The following CTRC variants were observed in gnomAD, a reference collection of about 807,000 sequenced individuals.
The protein encoded by CTRC is chymotrypsin-C.
Under a neutral mutation model 35.7 loss-of-function variants are expected in CTRC, and 32 were observed. That is an observed-to-expected ratio of 0.90 (90% CI 0.68 to 1.20). The LOEUF (loss-of-function observed/expected upper bound fraction) is 1.20, where lower values mean the gene tolerates loss of function less well. CTRC is among the 50% of genes most tolerant of loss of function. CTRC has a pLI of 0.00. For synonymous variants in CTRC, 119 were observed against 149.5 expected (o/e 0.80, Z 1.49); for missense variants, 324 against 361.5 (o/e 0.90, Z 0.84).
chr1:15,443,605 A>G, intron 5 of CTRC, 50 bp downstream of exon 5: 1 of 1,613,002 alleles, frequency 6.2e-7, no homozygotes, highest in South Asian at 1.1e-5. Context: ...AGGAAGCAGG[A>G]CGTCACCCAC....
chr1:15,446,324 A>C (rs1334917540), intron 7 of CTRC, among the ~76,000 whole-genome samples: 1 of 152,166 alleles, frequency 6.6e-6, no homozygotes, highest in African/African-American at 2.4e-5. Flanking sequence ...TCTCATCTTG[A>C]GAGTAGGGGA....
At chr1:15,442,422 G>T in intron 3 of CTRC, 25 bp from the exon 4 acceptor site, 2 of 1,597,280 alleles carry the variant, frequency 1.3e-6, no homozygotes, top group South Asian at 1.1e-5. Context: ...GGGCCACCCT[G>T]ACCTGGACCC....
At chr1:15,445,576 T>A in intron 6 of CTRC, 21 bp from the exon 7 acceptor site, 1 of 1,612,516 alleles carries the variant, frequency 6.2e-7, no homozygotes, top group Non-Finnish European at 8.5e-7. Context: ...TGGTGGCTTA[T>A]GCCCTCCCGG....
intron 1 of CTRC, 66 bp from the exon 2 acceptor site, chr1:15,440,231 CCCT>C: frequency 4.4e-6 from 2 of 456,974 alleles, no homozygotes; most frequent in Non-Finnish European, 4.5e-6. Context: ...CACCTGCCCA[CCCT>C]CCCACCCCTT....
intron 6 of CTRC, among the ~76,000 whole-genome samples, chr1:15,444,987 G>C (rs1171122759): frequency 1.3e-5 from 2 of 152,152 alleles, no homozygotes. Context: ...ACGTAAACTT[G>C]GGAGGGCCGT....
Position 15,440,392 on chromosome 1 carries a change from G to A in CTRC, c.132+1G>A. 3 of 1,612,594 alleles carry A rather than the reference G, an allele frequency of 1.9e-6. No homozygotes were observed. The highest frequency in any genetic ancestry group is 2.7e-5 in the African/African-American group (2 of 75,044). On this transcript the variant is annotated splice_donor_variant, in intron 2 of 7. Coordinates refer to ENST00000375949, the MANE Select transcript of CTRC (RefSeq NM_007272.3). LOFTEE classifies it high-confidence loss of function. The stretch of plus-strand genomic sequence containing the variant: ...CCGGCCCCACAGCTGGCCCTGGCAG[G>A]TAAGCCTGTGTAGGGCTGGGAGGTA...
At chr1:15,442,337 A>G in intron 3 of CTRC, 110 bp from the exon 4 acceptor site, 1 of 1,381,822 alleles carries the variant, frequency 7.2e-7, no homozygotes, top group Non-Finnish European at 1.0e-6. Flanking sequence ...GACAATGGGA[A>G]CACTCTCTTC....
intron 1 of CTRC, 51 bp from the exon 2 acceptor site, chr1:15,440,226 GCCCACCCTCCCACCCCTTTCCCC>G: frequency 5.7e-6 from 3 of 523,566 alleles, no homozygotes; most frequent in Admixed American, 2.7e-5. Context: ...TCTTCCACCT[GCCCACCCTCCCACCCCTTTCCCC>G]GTGGGCTACC....
Position 15,447,057 on chromosome 1 carries a change from A to G in CTRC, c.*468A>G, listed in dbSNP as rs1708233495. The stretch of plus-strand genomic sequence containing the variant: ...TGGAAGACAGGGTCTCCCCAAAAGC[A>G]GCGTCCCCCAGGCCAGAGAGACCAG... On this transcript the variant is annotated 3_prime_UTR_variant, in exon 8 of 8. Coordinates refer to ENST00000375949, the MANE Select transcript of CTRC (RefSeq NM_007272.3). 1 of 306,260 alleles carries G rather than the reference A, an allele frequency of 3.3e-6. No individual in the cohort carries two copies. The highest frequency in any genetic ancestry group is 2.9e-5 in the South Asian group (1 of 34,720). The allele number at this position is 306,260 out of a possible 1,614,324, so 19.0% of individuals were successfully genotyped here. A position where few individuals can be genotyped will look rare whatever the true frequency, so the allele number is the denominator to read the frequency against.
At chr1:15,443,701 C>T in intron 5 of CTRC, 146 bp downstream of exon 5, 1 of 981,128 alleles carries the variant, frequency 1.0e-6, no homozygotes, top group Non-Finnish European at 1.6e-6. Flanking sequence ...TTACTAAGCA[C>T]ATACCATGTG....
Position 15,440,234 on chromosome 1 carries a change from T to A in CTRC, c.41-66T>A. 2.3e-5 allele frequency: 7 copies of A among 309,272 alleles called. No homozygotes were observed. The East Asian group carries it at 3.2e-4, about 14-fold the overall frequency. 19.2% of individuals were successfully genotyped at this position (309,272 alleles called of 1,614,324 possible). A position where few individuals can be genotyped will look rare whatever the true frequency, so the allele number is the denominator to read the frequency against. ...CTGTGCTTCTTCCACCTGCCCACCC[T>A]CCCACCCCTTTCCCCGTGGGCTACC... On this transcript the variant is annotated intron_variant, in intron 1 of 7. Transcript: ENST00000375949.
In CTRC at chr1:15,445,611, C is replaced by G. The variant is rs1294027681; in HGVS notation, c.654C>G (p.Gly218=). 1 of 1,614,068 alleles carries G rather than the reference C, an allele frequency of 6.2e-7. No homozygotes were observed. Among genetic ancestry groups the G allele is most frequent in the Non-Finnish European group, 8.5e-7 (1 of 1,180,038 alleles). ...VISACNGDSG[G]PLNCQLENGS... ...GTCTGGTGCAGGGGGACTCCGGTGG[C>G]CCACTGAACTGCCAGTTGGAGAACG... The change falls in exon 7 of 8, where the codon GGC becomes GGG. Residue 218 remains glycine (G), a synonymous_variant. Coordinates refer to ENST00000375949, the MANE Select transcript of CTRC (RefSeq NM_007272.3).
intron 7 of CTRC, 68 bp downstream of exon 7, chr1:15,445,817 C>T: frequency 6.5e-7 from 1 of 1,542,076 alleles, no homozygotes; most frequent in South Asian, 1.1e-5. Context: ...CATCCCCTCA[C>T]TCATTCACTC....
In CTRC at chr1:15,445,585, G is replaced by C; in HGVS notation, c.640-12G>C. ...GGGGCCTGGTGGCTTATGCCCTCCC[G>C]GTCTGGTGCAGGGGGACTCCGGTGG... On this transcript the variant is annotated splice_polypyrimidine_tract_variant and intron_variant, in intron 6 of 7. Transcript: ENST00000375949. 1 of 1,613,516 alleles carries C rather than the reference G, an allele frequency of 6.2e-7. No individual in the cohort carries two copies. The highest frequency in any genetic ancestry group is 8.5e-7 in the Non-Finnish European group (1 of 1,179,494).
At chr1:15,442,593 C>T in intron 4 of CTRC, 21 bp downstream of exon 4, 1 of 1,613,700 alleles carries the variant, frequency 6.2e-7, no homozygotes, top group Non-Finnish European at 8.5e-7. Flanking sequence ...GACTGCCCAT[C>T]CCACAGCCAC....
chr1:15,438,621 C>T (rs571381490), intron 1 of CTRC, 117 bp downstream of exon 1: 1 of 1,178,056 alleles, frequency 8.5e-7, no homozygotes, highest in East Asian at 2.3e-5. Context: ...CTTTGGGGTC[C>T]CCTGTGGGTT....
At chr1:15,439,915 T>C (rs1708100482) in intron 1 of CTRC, among the ~76,000 whole-genome samples, 1 of 152,196 alleles carries the variant, frequency 6.6e-6, no homozygotes. Flanking sequence ...CTAATTTCTG[T>C]ATTTTTAGTA....
In CTRC at chr1:15,442,534, C is replaced by T; in HGVS notation, c.318C>T (p.Thr106=). The T allele has an allele frequency of 6.2e-7, 1 of 1,614,056 alleles. No individual in the cohort carries two copies. Among genetic ancestry groups the T allele is most frequent in the Non-Finnish European group, 8.5e-7 (1 of 1,179,970 alleles). Residue 106 remains threonine (T), a synonymous_variant, in exon 4 of 8, where the codon ACC becomes ACT. Coordinates refer to ENST00000375949, the MANE Select transcript of CTRC (RefSeq NM_007272.3). The part of the protein sequence containing the change: ...EEGSLFVGVD[T]IHVHKRWNAL... The stretch of plus-strand genomic sequence containing the variant: ...GATCCCTGTTTGTGGGTGTGGACAC[C>T]ATCCACGTCCACAAGAGATGGAATG...
At position 15,445,613 on chromosome 1, in the gene CTRC, C is replaced by T. The variant is rs1404444113; in HGVS notation, c.656C>T (p.Pro219Leu). Residue 219 changes from proline (P) to leucine (L), a missense_variant, in exon 7 of 8, where the codon CCA becomes CTA. Physicochemically the swap from Pro to Leu is moderately conservative, Grantham distance 98. Coordinates refer to ENST00000375949, the MANE Select transcript of CTRC (RefSeq NM_007272.3). Reference protein sequence around the residue: ...ISACNGDSGGPLNCQLENGSW... With the variant: ...ISACNGDSGGLLNCQLENGSW... ...CTGGTGCAGGGGGACTCCGGTGGCC[C>T]ACTGAACTGCCAGTTGGAGAACGGT... 2 of 1,614,066 alleles carry T rather than the reference C, an allele frequency of 1.2e-6. No individual in the cohort carries two copies. Among genetic ancestry groups the T allele is most frequent in the Non-Finnish European group, 1.7e-6 (2 of 1,180,014 alleles).
Sources: allele counts gnomAD v4.1 joint callset (sites outside exome capture counted in the v4.1 genomes callset), GRCh38; gene constraint gnomAD v4.1.1; transcripts MANE v1.5; gene names NCBI Gene and HGNC (gene_info 2026-07-23, HGNC 2026-07-21).